The following PCDHAC1 variants were observed in gnomAD, a reference collection of about 807,000 sequenced individuals.
PCDHAC1 encodes protocadherin alpha-C1.
Under a neutral mutation model 60.0 loss-of-function variants are expected in PCDHAC1, and 42 were observed. The ratio of observed to expected loss-of-function variants is 0.70; its 90% CI spans 0.55 to 0.90. The LOEUF (loss-of-function observed/expected upper bound fraction) is 0.90. PCDHAC1 is among the 40% of genes least tolerant of loss of function. The probability of loss-of-function intolerance (pLI) is 0.00; values close to 1 mark genes in which losing one functional copy is unlikely to be tolerated. For missense variants in PCDHAC1, 1,160 were observed against 1,222.3 expected, an observed-to-expected ratio of 0.95 and a Z score of 0.76; for synonymous variants, 468 against 499.3, an observed-to-expected ratio of 0.94 and a Z score of 0.84.
At position 140,976,923 on chromosome 5, in the gene PCDHAC1, C is replaced by T. The variant is rs2096737530; in HGVS notation, c.2434-2026C>T. Among the ~76,000 whole-genome samples the T allele has an allele frequency of 2.0e-5, 3 of 152,236 alleles. No individual in the cohort carries two copies. The South Asian group carries it at 6.2e-4, about 32-fold the overall frequency. On this transcript the variant is annotated intron_variant, in intron 1 of 3. Transcript: ENST00000253807. The stretch of plus-strand genomic sequence containing the variant: ...ATGTAATAAAGTGCAAAATCTAGTA[C>T]TGTGTAGCTACTTAAAACATATTAT...
intron 1 of PCDHAC1, among the ~76,000 whole-genome samples, chr5:140,941,202 C>CCTTTCTTCCTTTCTTTCTTTCTTTCTTT (rs1394736170): frequency 6.0e-4 from 74 of 122,806 alleles, no homozygotes; most frequent in Middle Eastern, 4.2e-3. Flanking sequence ...TTTCTTTCTT[C>CCTTTCTTCCTTTCTTTCTTTCTTTCTTT]CTTTCTTTCT....
intron 3 of PCDHAC1, among the ~76,000 whole-genome samples, chr5:140,996,673 T>C (rs2097737293): frequency 6.6e-6 from 1 of 152,200 alleles, no homozygotes; most frequent in African/African-American, 2.4e-5. Context: ...TTTTGAACCA[T>C]GTTGGGCTAG....
In PCDHAC1 at chr5:140,928,536, GA is replaced by G. The variant is rs782686789; in HGVS notation, c.1646del (p.Asn549MetfsTer36). 6.2e-7 allele frequency: 1 copy of G among 1,614,228 alleles called. No individual in the cohort carries two copies. The highest frequency in any genetic ancestry group is 8.5e-7 in the Non-Finnish European group (1 of 1,180,026). On this transcript the variant is annotated frameshift_variant, in exon 1 of 4. Transcript: ENST00000253807. LOFTEE classifies it high-confidence loss of function. ...CTATAAACTTGTTTGTGGTAGATAG[GA>G]ATGACAATTATCCGGTTATCTTGTT... ...VTINLFVVDR[N>X]DNYPVILFPL...
At chr5:140,953,620 T>G (rs1207803220) in intron 1 of PCDHAC1, among the ~76,000 whole-genome samples, 1 of 152,146 alleles carries the variant, frequency 6.6e-6, no homozygotes, top group Non-Finnish European at 1.5e-5. Context: ...CTTAGATATT[T>G]GCTTTATGTA....
chr5:140,943,751 TAGG>T (rs1284418706), intron 1 of PCDHAC1, among the ~76,000 whole-genome samples: 1 of 152,048 alleles, frequency 6.6e-6, no homozygotes, highest in Non-Finnish European at 1.5e-5. Flanking sequence ...CTAAAAGCAG[TAGG>T]AGATGTAGGA....
At chr5:140,972,453 G>A (rs2096536665) in intron 1 of PCDHAC1, among the ~76,000 whole-genome samples, 3 of 151,360 alleles carry the variant, frequency 2.0e-5, no homozygotes, top group South Asian at 2.1e-4. Context: ...TTTTTCTCTT[G>A]TTGCTTATTA....
At chr5:140,944,839 G>C (rs1449491788) in intron 1 of PCDHAC1, among the ~76,000 whole-genome samples, 3 of 152,130 alleles carry the variant, frequency 2.0e-5, no homozygotes, top group African/African-American at 7.2e-5. Flanking sequence ...TGTAAAATGA[G>C]ATATTAGAAT....
At chr5:141,009,001 A>G (rs1373262105) in intron 3 of PCDHAC1, among the ~76,000 whole-genome samples, 1 of 152,246 alleles carries the variant, frequency 6.6e-6, no homozygotes, top group East Asian at 1.9e-4. Flanking sequence ...TAAAAGGAGC[A>G]TATTTTGCCT....
chr5:140,989,727 A>G (rs1203211477), intron 3 of PCDHAC1, among the ~76,000 whole-genome samples: 2 of 152,308 alleles, frequency 1.3e-5, no homozygotes, highest in East Asian at 3.9e-4. Flanking sequence ...TTTGCAGTTG[A>G]AAAGGCCATT....
intron 1 of PCDHAC1, among the ~76,000 whole-genome samples, chr5:140,952,252 A>T (rs1230858145): frequency 6.6e-6 from 1 of 151,034 alleles, no homozygotes; most frequent in Admixed American, 6.6e-5. Context: ...CTGCTGGTGG[A>T]TTCCCATTCT....
At chr5:140,939,351 T>C (rs918440257) in intron 1 of PCDHAC1, among the ~76,000 whole-genome samples, 2 of 152,140 alleles carry the variant, frequency 1.3e-5, no homozygotes, top group Non-Finnish European at 1.5e-5. Flanking sequence ...TTTCAACTTA[T>C]GATTGCAAAG....
chr5:140,978,841 T>G, intron 1 of PCDHAC1, 108 bp from the exon 2 acceptor site: 1 of 1,563,056 alleles, frequency 6.4e-7, no homozygotes, highest in Non-Finnish European at 8.7e-7. Context: ...ATTCAATACT[T>G]TTTTAGATGC....
rs906170025 is a variant in PCDHAC1 at position 140,935,893 on chromosome 5, T to C, written c.2433+6568T>C. Among the ~76,000 whole-genome samples, 23 of 129,968 alleles carry C rather than the reference T, an allele frequency of 1.8e-4. 1 individual carries two copies. In the Admixed American group the frequency reaches 1.8e-3, roughly 10 times the overall value. The allele number at this position is 129,968 out of a possible 152,430, so 85.3% of individuals were successfully genotyped here. A position where few individuals can be genotyped will look rare whatever the true frequency, so the allele number is the denominator to read the frequency against. ...AATGAGCTCCAATTTATCAATATTA[T>C]CTTTTTTTTTTTTTTTTGAGACAGA... On this transcript the variant is annotated intron_variant, in intron 1 of 3. Transcript: ENST00000253807.
chr5:140,995,449 A>G (rs1279825778), intron 3 of PCDHAC1, among the ~76,000 whole-genome samples: 18 of 152,120 alleles, frequency 1.2e-4, no homozygotes, highest in African/African-American at 3.9e-4. Flanking sequence ...AAACTTATGA[A>G]TTGTTTATTT....
In PCDHAC1 at chr5:140,927,984, A is replaced by G. The variant is rs112872627; in HGVS notation, c.1092A>G (p.Val364=). 5.7e-5 allele frequency: 92 copies of G among 1,614,218 alleles called. 4 individuals are homozygous for G. In the African/African-American group the frequency reaches 7.1e-4, roughly 12 times the overall value. Reference sequence around the variant, plus strand: ...GCACAGTGATTGCTCTCTTTAGTGTAAAGGATGAAGACCTCGATTCTAATG... The same window carrying G: ...GCACAGTGATTGCTCTCTTTAGTGTGAAGGATGAAGACCTCGATTCTAATG... The part of the protein sequence containing the change: ...APGTVIALFS[V]KDEDLDSNGR... Residue 364 remains valine, a synonymous_variant, in exon 1 of 4, where the codon GTA becomes GTG. Coordinates refer to ENST00000253807, the MANE Select transcript of PCDHAC1 (RefSeq NM_018898.5).
chr5:140,956,749 G>A (rs1179471294), intron 1 of PCDHAC1, among the ~76,000 whole-genome samples: 5 of 152,144 alleles, frequency 3.3e-5, no homozygotes, highest in African/African-American at 1.2e-4. Context: ...ACCTCTGATA[G>A]AATTCAGCTG....
rs781944777 is a variant in PCDHAC1, at chr5:140,978,930, T to A, written c.2434-19T>A. ...TTGTCTTGTCATTTTAACAGAAAAC[T>A]CTCTTTGTGATTTTGCAGCCACGAC... On this transcript the variant is annotated intron_variant, in intron 1 of 3. Transcript: ENST00000253807. The A allele has an allele frequency of 1.2e-6, 2 of 1,614,088 alleles. No homozygotes were observed. The highest frequency in any genetic ancestry group is 8.5e-7 in the Non-Finnish European group (1 of 1,180,010).
chr5:140,940,164 A>G (rs2092564000), intron 1 of PCDHAC1, among the ~76,000 whole-genome samples: 1 of 152,170 alleles, frequency 6.6e-6, no homozygotes, highest in Non-Finnish European at 1.5e-5. Context: ...TTTGCCTGAA[A>G]TGTCATTCTT....
chr5:140,959,532 T>C (rs919329459), intron 1 of PCDHAC1, among the ~76,000 whole-genome samples: 1 of 152,198 alleles, frequency 6.6e-6, no homozygotes, highest in Admixed American at 6.5e-5. Context: ...GACCATTAAT[T>C]CAGAGATGCT....
Sources: allele counts gnomAD v4.1 joint callset (sites outside exome capture counted in the v4.1 genomes callset), GRCh38; gene constraint gnomAD v4.1.1; transcripts MANE v1.5; gene names NCBI Gene and HGNC (gene_info 2026-07-23, HGNC 2026-07-21).